TAOK2: variants seen among roughly 807,000 people sequenced by gnomAD.
TAOK2 encodes the protein serine/threonine-protein kinase TAO2.
Under a neutral mutation model 122.5 loss-of-function variants are expected in TAOK2, and 42 were observed. That is an observed-to-expected ratio of 0.34 (90% CI 0.27 to 0.44). The LOEUF is 0.44. Ranked by LOEUF, TAOK2 falls within the 20% of genes least tolerant of loss-of-function variation. The pLI, the probability that TAOK2 is intolerant of heterozygous loss-of-function variation, is 1.00. For missense variants in TAOK2, 1,264 were observed against 1,644.9 expected (o/e 0.77, Z 4.01); for synonymous variants, 704 against 677.6 (o/e 1.04, Z -0.61).
chr16:29,991,527 G>GCTTCCCACATCCTCAATGGTT, downstream of TAOK2: 1 of 1,482,172 alleles, frequency 6.7e-7, no homozygotes, highest in Non-Finnish European at 8.9e-7. This position sits in a 1 kb window ranked among gnomAD's most constrained non-coding sequence, Gnocchi z 5.6. Context: ...CACCAGTGTC[G>GCTTCCCACATCCTCAATGGTT]CTTCCCACAT....
At chr16:29,991,367 G>GC (rs781359043), downstream of TAOK2, 2 of 1,588,924 alleles carry the variant, frequency 1.3e-6, no homozygotes, top group Admixed American at 1.8e-5. The surrounding 1 kb of genome is among the most constrained non-coding windows in gnomAD (Gnocchi z 5.6). Context: ...ACTGGCTGGG[G>GC]CCCCCCACAC....
Position 29,985,044 on chromosome 16 carries a change from C to T in TAOK2, c.1423-169C>T. The T allele has an allele frequency of 2.4e-6, 2 of 840,334 alleles. No homozygotes were observed. Among genetic ancestry groups the T allele is most frequent in the Non-Finnish European group, 3.3e-6 (2 of 597,822 alleles). 52.1% of individuals were successfully genotyped at this position (840,334 alleles called of 1,614,324 possible). A position where few individuals can be genotyped will look rare whatever the true frequency, so the allele number is the denominator to read the frequency against. ...CCAACTTGTGATGTAGATAATATCA[C>T]CATTATCCAGTTGAGGAAACAGGCT... On this transcript the variant is annotated intron_variant, in intron 13 of 15. Coordinates refer to ENST00000308893, the MANE Select transcript of TAOK2 (RefSeq NM_016151.4). This position sits in a 1 kb window ranked among gnomAD's most constrained non-coding sequence, Gnocchi z 6.9.
rs1006723971 is a variant in TAOK2 at position 29,988,295 on chromosome 16, C to T, written c.*315C>T. 2.1e-5 allele frequency: 30 copies of T among 1,452,062 alleles called. No homozygotes were observed. Among genetic ancestry groups the T allele is most frequent in the Admixed American group, 2.3e-5 (1 of 43,450 alleles). The allele number at this position is 1,452,062 out of a possible 1,614,324, so 89.9% of individuals were successfully genotyped here. ...GGGTGGGAAGAGTCATGTTTTTTTTCTCCTCTTTGATTTTGTTTTTCTGTC... is the reference window on the plus strand; with the variant it reads ...GGGTGGGAAGAGTCATGTTTTTTTTTTCCTCTTTGATTTTGTTTTTCTGTC... On this transcript the variant is annotated 3_prime_UTR_variant, in exon 16 of 16. Transcript: ENST00000308893.
chr16:29,989,513 G>T, downstream of TAOK2: 2 of 1,593,610 alleles, frequency 1.3e-6, no homozygotes, highest in East Asian at 2.3e-5. Flanking sequence ...TCCCCTGGTT[G>T]TTCCTCCTCT....
Position 29,983,618 on chromosome 16 carries a change from A to T in TAOK2, c.1376A>T (p.Tyr459Phe). The T allele has an allele frequency of 3.7e-6, 6 of 1,613,546 alleles. No homozygotes were observed. Among genetic ancestry groups the T allele is most frequent in the Non-Finnish European group, 5.1e-6 (6 of 1,179,976 alleles). The change falls in exon 13 of 16, where the codon TAC (tyrosine) becomes TTC (phenylalanine). Residue 459 changes from tyrosine (Y) to phenylalanine (F), a missense_variant. Tyr to Phe is a conservative substitution (Grantham distance 22). Transcript: ENST00000308893. The part of the protein sequence containing the change: ...STTSSARRRA[Y>F]CRNRDHFATI... ...ACCTCTTCCGCCCGCCGCCGGGCCTACTGCCGTAACCGAGACCACTTTGCC... is the reference window on the plus strand; with the variant it reads ...ACCTCTTCCGCCCGCCGCCGGGCCTTCTGCCGTAACCGAGACCACTTTGCC...
At chr16:29,980,790 A>C (rs1013891160) in intron 8 of TAOK2, 1 of 152,198 alleles carries the variant, frequency 6.6e-6, no homozygotes, top group African/African-American at 2.4e-5. Context: ...TTACTCTACT[A>C]TTGAAAAAAA....
At position 29,979,585 on chromosome 16, in the gene TAOK2, T is replaced by C; in HGVS notation, c.655+77T>C. 8.4e-7 allele frequency: 1 copy of C among 1,194,264 alleles called. No individual in the cohort carries two copies. The highest frequency in any genetic ancestry group is 1.1e-6 in the Non-Finnish European group (1 of 875,344). The allele number at this position is 1,194,264 out of a possible 1,614,324, so 74.0% of individuals were successfully genotyped here. On this transcript the variant is annotated intron_variant, in intron 8 of 15. Transcript: ENST00000308893. The surrounding 1 kb of genome is among the most constrained non-coding windows in gnomAD (Gnocchi z 4.1). The stretch of plus-strand genomic sequence containing the variant: ...GTTCCCAGACTCCGGACTACCCCCT[T>C]CTCCTAGGGATGGGATCCCAGGCCT...
chr16:29,979,850 G>A lies in TAOK2; in HGVS notation c.655+342G>A, dbSNP rs2069564112. 6.6e-6 allele frequency among the ~76,000 whole-genome samples: 1 copy of A among 152,202 alleles called. No homozygotes were observed. Among genetic ancestry groups the A allele is most frequent in the Non-Finnish European group, 1.5e-5 (1 of 68,038 alleles). ...CATTTGATTTAGGGAAACCAGGCAG[G>A]CATGTTTTCTTTCAATGTGATGAAC... On this transcript the variant is annotated intron_variant, in intron 8 of 15. Transcript: ENST00000308893. This position sits in a 1 kb window ranked among gnomAD's most constrained non-coding sequence, Gnocchi z 4.1.
In TAOK2 at chr16:29,987,133, G is replaced by T. The variant is rs752404075; in HGVS notation, c.2861G>T (p.Gly954Val). ...CTCCTGTCCCATGGCCTCCTGGCCG[G>T]CCTCTCCTTTGCAGTGGGGTCCTCC... ...PGLLSHGLLA[G>V]LSFAVGSSSG... The change falls in exon 16 of 16, where the codon GGC (glycine) becomes GTC (valine). Residue 954 changes from glycine to valine, a missense_variant. Physicochemically the swap from Gly to Val is moderately radical, Grantham distance 109. Transcript: ENST00000308893. 1.3e-6 allele frequency: 2 copies of T among 1,595,432 alleles called. No homozygotes were observed. Among genetic ancestry groups the T allele is most frequent in the East Asian group, 2.2e-5 (1 of 44,826 alleles).
chr16:29,987,273 G>A lies in TAOK2; in HGVS notation c.3001G>A (p.Ala1001Thr). ...TGAGGTGGGGCTGGTGGGTCTGGGGGCCTCCTACCTGCTCCTTTGTACAGC... is the reference window on the plus strand; with the variant it reads ...TGAGGTGGGGCTGGTGGGTCTGGGGACCTCCTACCTGCTCCTTTGTACAGC... ...ALEVGLVGLGASYLLLCTALH... is the reference protein window; with the variant it reads ...ALEVGLVGLGTSYLLLCTALH... The change falls in exon 16 of 16, where the codon GCC (alanine) becomes ACC (threonine). Residue 1001 changes from alanine to threonine, a missense_variant. Coordinates refer to ENST00000308893, the MANE Select transcript of TAOK2 (RefSeq NM_016151.4). 6.5e-7 allele frequency: 1 copy of A among 1,527,204 alleles called. No individual in the cohort carries two copies. Among genetic ancestry groups the A allele is most frequent in the South Asian group, 1.3e-5 (1 of 75,722 alleles). The allele number at this position is 1,527,204 out of a possible 1,614,324, so 94.6% of individuals were successfully genotyped here.
chr16:29,975,549 A>G (rs1039335865), intron 1 of TAOK2, among the ~76,000 whole-genome samples: 1 of 152,062 alleles, frequency 6.6e-6, no homozygotes, highest in Admixed American at 6.6e-5. Flanking sequence ...GGAGGGCTCT[A>G]CTCAGAAGCT....
downstream of TAOK2, chr16:29,991,479 C>T: frequency 6.7e-7 from 1 of 1,482,408 alleles, no homozygotes. The surrounding 1 kb of genome is among the most constrained non-coding windows in gnomAD (Gnocchi z 5.6). Flanking sequence ...GAATGTGGGC[C>T]CCCCTGCTGC....
rs756716677 is a variant in TAOK2, at chr16:29,979,357, G to A, written c.563+49G>A. ...TGGAGAGACCTCCCAGGGATGTTGGGAGTAGGAGTGACAGGGTCTCGGCGG... is the reference window on the plus strand; with the variant it reads ...TGGAGAGACCTCCCAGGGATGTTGGAAGTAGGAGTGACAGGGTCTCGGCGG... On this transcript the variant is annotated intron_variant, in intron 7 of 15. Coordinates refer to ENST00000308893, the MANE Select transcript of TAOK2 (RefSeq NM_016151.4). The surrounding 1 kb of genome is among the most constrained non-coding windows in gnomAD (Gnocchi z 4.1). 4.0e-5 allele frequency: 64 copies of A among 1,611,178 alleles called. No individual in the cohort carries two copies. The highest frequency in any genetic ancestry group is 5.0e-5 in the Non-Finnish European group (59 of 1,177,620).
At position 29,978,858 on chromosome 16, in the gene TAOK2, A is replaced by G. The variant is rs1567239227; in HGVS notation, c.352+14A>G. The G allele has an allele frequency of 1.2e-6, 2 of 1,614,058 alleles. No individual in the cohort carries two copies. The highest frequency in any genetic ancestry group is 1.7e-6 in the Non-Finnish European group (2 of 1,179,980). ...ACCTTCTAGAAGGTAAGTGACTGAT[A>G]GGCCAATAAGTGGAGAAGGGAGAAG... On this transcript the variant is annotated intron_variant, in intron 5 of 15. Transcript: ENST00000308893.
intron 1 of TAOK2, among the ~76,000 whole-genome samples, 189 bp downstream of exon 1, chr16:29,974,837 T>C (rs1029878814): frequency 5.3e-5 from 8 of 152,124 alleles, no homozygotes; most frequent in African/African-American, 1.9e-4. Context: ...CTTCATTGTG[T>C]CTGGTTGGTG....
At position 29,977,784 on chromosome 16, in the gene TAOK2, G is replaced by T. The variant is rs1208506194; in HGVS notation, c.12G>T (p.Gly4=). Residue 4 remains glycine (G), a synonymous_variant, in exon 2 of 16, where the codon GGG becomes GGT. Coordinates refer to ENST00000308893, the MANE Select transcript of TAOK2 (RefSeq NM_016151.4). ...CCCCAGGGGCCACCATGCCAGCTGG[G>T]GGCCGGGCCGGGAGCCTGAAGGACC... MPA[G]GRAGSLKDPD... The T allele has an allele frequency of 1.2e-6, 2 of 1,614,006 alleles. No homozygotes were observed. The highest frequency in any genetic ancestry group is 1.7e-6 in the Non-Finnish European group (2 of 1,179,996).
Position 29,985,746 on chromosome 16 carries a change from A to C in TAOK2, c.1877A>C (p.Glu626Ala). ...QKEQLQQCQA[E>A]EEAGLLRRQR... ...GAGCAGCTCCAGCAGTGCCAGGCGG[A>C]GGAGGAAGCAGGGCTGCTGCGGCGG... The change falls in exon 15 of 16, where the codon GAG (glutamate) becomes GCG (alanine). Residue 626 changes from glutamate (E) to alanine (A), a missense_variant. Physicochemically the swap from Glu to Ala is moderately radical, Grantham distance 107. This residue lies in a region of TAOK2 where 824 missense variants were observed against 908.7 expected (regional missense o/e 0.91). Transcript: ENST00000308893. This position sits in a 1 kb window ranked among gnomAD's most constrained non-coding sequence, Gnocchi z 6.9. 1.9e-6 allele frequency: 3 copies of C among 1,611,022 alleles called. No individual in the cohort carries two copies. Among genetic ancestry groups the C allele is most frequent in the Non-Finnish European group, 2.5e-6 (3 of 1,179,428 alleles).
Position 29,986,260 on chromosome 16 carries a change from C to T in TAOK2, c.1993-5C>T. ...GCCCCGGGCCCTGCATTTCTTCTGC[C>T]TCAGGACCTGAACAAGAAGCAGACC... On this transcript the variant is annotated splice_polypyrimidine_tract_variant and splice_region_variant and intron_variant, in intron 15 of 15. Coordinates refer to ENST00000308893, the MANE Select transcript of TAOK2 (RefSeq NM_016151.4). This position sits in a 1 kb window ranked among gnomAD's most constrained non-coding sequence, Gnocchi z 4.2. The T allele has an allele frequency of 1.3e-6, 2 of 1,512,220 alleles. No homozygotes were observed. The highest frequency in any genetic ancestry group is 1.8e-6 in the Non-Finnish European group (2 of 1,130,486). 93.7% of individuals were successfully genotyped at this position (1,512,220 alleles called of 1,614,324 possible).
intron 4 of TAOK2, 44 bp downstream of exon 4, chr16:29,978,397 TGCCC>T: frequency 6.3e-7 from 1 of 1,583,446 alleles, no homozygotes; most frequent in South Asian, 1.1e-5. Flanking sequence ...CTCCTATTCA[TGCCC>T]GTCCTTATCG....
Sources: allele counts gnomAD v4.1 joint callset (sites outside exome capture counted in the v4.1 genomes callset), GRCh38; gene constraint gnomAD v4.1.1; regional missense constraint gnomAD v4.1.1; non-coding constraint Gnocchi (gnomAD v3.1); transcripts MANE v1.5; gene names NCBI Gene and HGNC (gene_info 2026-07-23, HGNC 2026-07-21).